TFCP2L1: variants seen among roughly 807,000 people sequenced by gnomAD.
TFCP2L1 encodes the protein transcription factor CP2-like protein 1.
Under a neutral mutation model 72.2 loss-of-function variants are expected in TFCP2L1, and 12 were observed. The observed-to-expected ratio is 0.17, with a 90% CI of 0.11 to 0.27. The LOEUF is 0.27. Among genes scored for constraint, TFCP2L1 ranks in the 10% least tolerant of loss-of-function variants. The pLI is 1.00. For synonymous variants in TFCP2L1, 260 were observed against 251.0 expected, an observed-to-expected ratio of 1.04 and a Z score of -0.34; for missense variants, 488 against 624.6, an observed-to-expected ratio of 0.78 and a Z score of 2.33.
intron 2 of TFCP2L1, among the ~76,000 whole-genome samples, chr2:121,260,739 C>G (rs1264261141): frequency 1.3e-5 from 2 of 152,230 alleles, no homozygotes; most frequent in Non-Finnish European, 2.9e-5. Flanking sequence ...TGGGCCTCCC[C>G]TGGGTCGTGC....
At chr2:121,259,359 ATATCCATATCGATAGC>A (rs1166417270) in intron 2 of TFCP2L1, among the ~76,000 whole-genome samples, 12 of 152,150 alleles carry the variant, frequency 7.9e-5, no homozygotes, top group African/African-American at 2.9e-4. Flanking sequence ...TATAATAGAG[ATATCCATATCGATAGC>A]TATCCCTATC....
At chr2:121,268,238 C>G (rs1686972244) in intron 2 of TFCP2L1, among the ~76,000 whole-genome samples, 1 of 152,144 alleles carries the variant, frequency 6.6e-6, no homozygotes, top group African/African-American at 2.4e-5. Flanking sequence ...AGCGTTTGTT[C>G]TTTGTTGTTT....
intron 2 of TFCP2L1, among the ~76,000 whole-genome samples, chr2:121,264,085 T>C (rs113252336): frequency 0.023 from 3,464 of 152,316 alleles, 155 homozygotes; most frequent in African/African-American, 0.079. Flanking sequence ...CCCTGCCACC[T>C]ACATAGGCTT....
chr2:121,253,480 G>A (rs775054769), intron 2 of TFCP2L1, among the ~76,000 whole-genome samples: 4 of 152,112 alleles, frequency 2.6e-5, no homozygotes, highest in Non-Finnish European at 5.9e-5. Context: ...CACCCTAACT[G>A]GTTTTTCCAA....
At chr2:121,275,850 C>T (rs192704410) in intron 2 of TFCP2L1, among the ~76,000 whole-genome samples, 62 of 152,246 alleles carry the variant, frequency 4.1e-4, no homozygotes, top group African/African-American at 1.4e-3. Context: ...GGATTACAGG[C>T]GTGAGCCACC....
At chr2:121,252,753 G>A (rs796390021) in intron 2 of TFCP2L1, among the ~76,000 whole-genome samples, 46 of 152,244 alleles carry the variant, frequency 3.0e-4, no homozygotes, top group African/African-American at 1.0e-3. Flanking sequence ...AACCGTGAGA[G>A]AATCATTTTT....
chr2:121,247,018 T>TG (rs1558735189), intron 5 of TFCP2L1, 48 bp from the exon 6 acceptor site: 1 of 1,608,716 alleles, frequency 6.2e-7, no homozygotes, highest in South Asian at 1.1e-5. Flanking sequence ...CCAAGCAGGG[T>TG]GCCCCTGGAT....
chr2:121,237,667 C>T lies in TFCP2L1; in HGVS notation c.959G>A (p.Arg320His), dbSNP rs777210781. Residue 320 changes from arginine to histidine, a missense_variant, in exon 10 of 15, where the codon CGC becomes CAC. Coordinates refer to ENST00000263707, the MANE Select transcript of TFCP2L1 (RefSeq NM_014553.3). Reference protein sequence around the residue: ...SIQDAQQWLHRNRFSQFCRLF... With the variant: ...SIQDAQQWLHHNRFSQFCRLF... ...CCGGCAGAACTGCGAGAACCTGTTG[C>T]GGTGAAGCCACTGCTGGGCATCCTG... 66 of 1,614,062 alleles carry T rather than the reference C, an allele frequency of 4.1e-5. 1 individual carries two copies. Among genetic ancestry groups the T allele is most frequent in the South Asian group, 2.0e-4 (18 of 91,092 alleles).
At chr2:121,268,566 C>CA (rs962847470) in intron 2 of TFCP2L1, among the ~76,000 whole-genome samples, 24 of 151,780 alleles carry the variant, frequency 1.6e-4, no homozygotes, top group East Asian at 5.8e-4. Context: ...CCCTATATGG[C>CA]AAAAAAATAC....
intron 6 of TFCP2L1, 45 bp downstream of exon 6, chr2:121,246,773 C>T (rs1278772272): frequency 6.2e-7 from 1 of 1,610,578 alleles, no homozygotes; most frequent in African/African-American, 1.3e-5. Context: ...TGACCACAGG[C>T]CAGGCCAGCA....
intron 6 of TFCP2L1, among the ~76,000 whole-genome samples, chr2:121,243,834 TATA>T (rs1573370737): frequency 6.6e-6 from 1 of 152,124 alleles, no homozygotes; most frequent in South Asian, 2.1e-4. Flanking sequence ...TATATTACGA[TATA>T]ATAATAACAG....
intron 7 of TFCP2L1, among the ~76,000 whole-genome samples, chr2:121,241,982 G>A (rs1686378849): frequency 6.6e-6 from 1 of 151,362 alleles, no homozygotes; most frequent in South Asian, 2.1e-4. Flanking sequence ...TGCCCTGGAG[G>A]GGAGAAACCA....
rs370237378 is a variant in TFCP2L1 at position 121,235,175 on chromosome 2, C to T, written c.1094+46G>A. The T allele has an allele frequency of 2.9e-5, 46 of 1,603,160 alleles. No individual in the cohort carries two copies. The African/African-American group carries it at 4.6e-4, about 16-fold the overall frequency. ...GGTAGGGGTTTCCCACCACATGCCACGGGACATGAGCCTCTGGCTGGCTTC... is the reference window on the plus strand; with the variant it reads ...GGTAGGGGTTTCCCACCACATGCCATGGGACATGAGCCTCTGGCTGGCTTC... On this transcript the variant is annotated intron_variant, in intron 11 of 14. Coordinates refer to ENST00000263707, the MANE Select transcript of TFCP2L1 (RefSeq NM_014553.3).
At chr2:121,269,918 A>AATATATATATAT (rs10531350) in intron 2 of TFCP2L1, among the ~76,000 whole-genome samples, 2 of 115,182 alleles carry the variant, frequency 1.7e-5, no homozygotes, top group African/African-American at 7.4e-5. Context: ...AAAAAAAAAA[A>AATATATATATAT]ATATATATAT....
Position 121,269,918 on chromosome 2 carries a change from A to AAAAAAAAAAAAAAAATATAT in TFCP2L1, c.214+11201_214+11202insATATATTTTTTTTTTTTTTT. 1.2e-3 allele frequency among the ~76,000 whole-genome samples: 137 copies of AAAAAAAAAAAAAAAATATAT among 115,128 alleles called. 1 individual carries two copies. The highest frequency in any genetic ancestry group is 1.6e-3 in the Non-Finnish European group (98 of 60,378). The allele number at this position is 115,128 out of a possible 152,430, so 75.5% of individuals were successfully genotyped here. On this transcript the variant is annotated intron_variant, in intron 2 of 14. Coordinates refer to ENST00000263707, the MANE Select transcript of TFCP2L1 (RefSeq NM_014553.3). ...AGCAAGACTCCATCTAAAAAAAAAA[A>AAAAAAAAAAAAAAAATATAT]ATATATATATATATATATGCAAAAG...
At chr2:121,270,735 G>A (rs1308338929) in intron 2 of TFCP2L1, among the ~76,000 whole-genome samples, 1 of 152,084 alleles carries the variant, frequency 6.6e-6, no homozygotes, top group Non-Finnish European at 1.5e-5. Context: ...GGACACAGTG[G>A]CTCATGCCTA....
chr2:121,237,550 G>T, intron 10 of TFCP2L1, 73 bp downstream of exon 10: 1 of 1,530,438 alleles, frequency 6.5e-7, no homozygotes, highest in Non-Finnish European at 9.0e-7. Flanking sequence ...TGACAGCAAG[G>T]CCTGGAAGGT....
At position 121,246,907 on chromosome 2, in the gene TFCP2L1, G is replaced by A; in HGVS notation, c.568C>T (p.Arg190Ter). 3.1e-6 allele frequency: 5 copies of A among 1,614,128 alleles called. No individual in the cohort carries two copies. Among genetic ancestry groups the A allele is most frequent in the African/African-American group, 1.3e-5 (1 of 75,042 alleles). The change falls in exon 6 of 15, where the codon CGA becomes TGA. Residue 190 changes from arginine (R) to a stop codon, truncating the protein, a stop_gained. Coordinates refer to ENST00000263707, the MANE Select transcript of TFCP2L1 (RefSeq NM_014553.3). LOFTEE classifies it high-confidence loss of function. ...KHGGEKGVPF[R>*]VQIDTFKQNE... ...TGCTTAAACGTGTCAATCTGGACTC[G>A]AAAGGGCACTCCCTTCTCGCCCCCG...
At position 121,219,153 on chromosome 2, in the gene TFCP2L1, T is replaced by TACA. The variant is rs1294346381; in HGVS notation, c.*5185_*5187dup. 6.6e-6 allele frequency: 1 copy of TACA among 152,270 alleles called. No individual in the cohort carries two copies. Among genetic ancestry groups the TACA allele is most frequent in the African/African-American group, 2.4e-5 (1 of 41,434 alleles). The allele number at this position is 152,270 out of a possible 1,614,324, so 9.4% of individuals were successfully genotyped here. On this transcript the variant is annotated 3_prime_UTR_variant, in exon 15 of 15. Coordinates refer to ENST00000263707, the MANE Select transcript of TFCP2L1 (RefSeq NM_014553.3). The stretch of plus-strand genomic sequence containing the variant: ...TCTGGGGGCCTTGCCCAGTGCCACT[T>TACA]ACACTGTCTAGAAAAGCTAAGGCCA...
Sources: allele counts gnomAD v4.1 joint callset (sites outside exome capture counted in the v4.1 genomes callset), GRCh38; gene constraint gnomAD v4.1.1; transcripts MANE v1.5; gene names NCBI Gene and HGNC (gene_info 2026-07-23, HGNC 2026-07-21).